Variants in SORT1 observed in about 807,000 individuals in gnomAD.
SORT1 encodes the protein sortilin 1.
A neutral mutation model predicts 101.7 loss-of-function variants in SORT1; 39 were observed. That is an observed-to-expected ratio of 0.38 (90% confidence interval 0.30 to 0.50). SORT1 has a LOEUF of 0.50. Among genes scored for constraint, SORT1 ranks in the 20% least tolerant of loss-of-function variants. The pLI is 0.90. For synonymous variants in SORT1, 396 were observed against 393.7 expected (o/e 1.01, Z -0.07); for missense variants, 878 against 1,040.4 (o/e 0.84, Z 2.15).
At chr1:109,390,806 C>T (rs1035029495) in intron 1 of SORT1, among the ~76,000 whole-genome samples, 19 of 147,946 alleles carry the variant, frequency 1.3e-4, no homozygotes, top group African/African-American at 2.1e-4. Context: ...TGTGCGCGCG[C>T]GCGTTTTAGG....
chr1:109,333,291 C>T (rs1270971765), intron 11 of SORT1, among the ~76,000 whole-genome samples: 1 of 152,104 alleles, frequency 6.6e-6, no homozygotes, highest in African/African-American at 2.4e-5. Context: ...AAATGTAAGA[C>T]TTGAAACTGT....
Position 109,317,892 on chromosome 1 carries a change from A to C in SORT1, c.2102T>G (p.Phe701Cys). ...GTGTTCTTCTCTTCCGTACAGACAA[A>C]ACTCCAGGTCGTGGCCCTTCAGTTC... is the stretch of plus-strand genomic sequence containing the variant. ...QPELKGHDLE[F>C]CLYGREEHLT... Residue 701 changes from phenylalanine to cysteine, a missense_variant, in exon 16 of 20, where the codon TTT becomes TGT. Phe to Cys is a radical substitution (Grantham distance 205, BLOSUM62 -2). Around this residue, in one of 2 missense-constraint regions of SORT1, gnomAD observed 684 missense variants for 894.5 expected, o/e 0.76. Transcript: ENST00000256637. The C allele has an allele frequency of 6.2e-7, 1 of 1,614,028 alleles. No homozygotes were observed. Among genetic ancestry groups the C allele is most frequent in the Non-Finnish European group, 8.5e-7 (1 of 1,179,918 alleles).
Position 109,313,874 on chromosome 1 carries a change from C to G in SORT1, c.*169G>C. On this transcript the variant is annotated 3_prime_UTR_variant, in exon 20 of 20. Transcript: ENST00000256637. ...GTAAAAAAGTGCTCAGGGTTCCCCA[C>G]CCCCACCCTGCATTTCTTTAGTGTA... 1 of 527,912 alleles carries G rather than the reference C, an allele frequency of 1.9e-6. No homozygotes were observed. Among genetic ancestry groups the G allele is most frequent in the East Asian group, 3.5e-5 (1 of 28,766 alleles). 32.7% of individuals were successfully genotyped at this position (527,912 alleles called of 1,614,324 possible).
chr1:109,340,146 C>CAAAAAAAA (rs34790280), intron 10 of SORT1, among the ~76,000 whole-genome samples: 1 of 96,298 alleles, frequency 1.0e-5, no homozygotes, highest in Non-Finnish European at 2.1e-5. Flanking sequence ...GATTCCATCT[C>CAAAAAAAA]AAAAAAAAAA....
chr1:109,396,365 C>T (rs1653176531), intron 1 of SORT1, among the ~76,000 whole-genome samples: 1 of 152,120 alleles, frequency 6.6e-6, no homozygotes, highest in African/African-American at 2.4e-5. Flanking sequence ...TTCTCAATCC[C>T]CCACTGTGAG....
chr1:109,319,876 A>AG (rs949962424), intron 15 of SORT1, among the ~76,000 whole-genome samples: 4 of 152,108 alleles, frequency 2.6e-5, no homozygotes, highest in African/African-American at 4.8e-5. Context: ...CAAAAAAAAA[A>AG]AAAAGAAAAG....
intron 5 of SORT1, among the ~76,000 whole-genome samples, chr1:109,352,712 T>C (rs1344295145): frequency 6.6e-6 from 1 of 152,200 alleles, no homozygotes; most frequent in Non-Finnish European, 1.5e-5. Flanking sequence ...TACCACTGAT[T>C]TGCACTTTAG....
rs1457776707 is a variant in SORT1, at chr1:109,310,178, CATATAT to C, written c.*3859_*3864del. 1 of 152,584 alleles carries C rather than the reference CATATAT, an allele frequency of 6.6e-6. No homozygotes were observed. The highest frequency in any genetic ancestry group is 2.4e-5 in the African/African-American group (1 of 41,416). 9.5% of individuals were successfully genotyped at this position (152,584 alleles called of 1,614,324 possible). A position where few individuals can be genotyped will look rare whatever the true frequency, so the allele number is the denominator to read the frequency against. ...TTATATATGTATATATGTACACACA[CATATAT>C]ATAAAGGTACAGATTAGTTTATGTT... On this transcript the variant is annotated 3_prime_UTR_variant, in exon 20 of 20. Transcript: ENST00000256637.
At chr1:109,388,829 C>A (rs1440567174) in intron 1 of SORT1, among the ~76,000 whole-genome samples, 1 of 152,178 alleles carries the variant, frequency 6.6e-6, no homozygotes, top group African/African-American at 2.4e-5. Context: ...ATGGTCACCA[C>A]TGAAGTTTGA....
At chr1:109,347,453 C>T (rs1161517278) in intron 7 of SORT1, 30 bp downstream of exon 7, 6 of 1,504,096 alleles carry the variant, frequency 4.0e-6, no homozygotes, top group Non-Finnish European at 4.6e-6. Context: ...GACAACAGGA[C>T]ATTATTTTCT....
chr1:109,326,917 C>A, intron 13 of SORT1, 75 bp downstream of exon 13: 2 of 1,115,920 alleles, frequency 1.8e-6, no homozygotes, highest in Admixed American at 2.5e-5. Flanking sequence ...CTGTAACATC[C>A]CCCCAATAAA....
rs1658909807 is a variant in SORT1, at chr1:109,314,351, C to T, written c.2391G>A (p.Gln797=). The T allele has an allele frequency of 3.7e-6, 6 of 1,613,964 alleles. No homozygotes were observed. The East Asian group carries it at 1.3e-4, about 36-fold the overall frequency. Residue 797 remains glutamine (Q), a synonymous_variant, in exon 19 of 20, where the codon CAG becomes CAA. Coordinates refer to ENST00000256637, the MANE Select transcript of SORT1 (RefSeq NM_002959.7). ...FLVHRYSVLQ[Q]HAEANGVDGV... ...CATCCACACCATTGGCCTCTGCATGCTGCTGCAGCACAGAGTATCGATGCA... is the reference window on the plus strand; with the variant it reads ...CATCCACACCATTGGCCTCTGCATGTTGCTGCAGCACAGAGTATCGATGCA...
chr1:109,358,432 G>A (rs1171850944), intron 3 of SORT1, among the ~76,000 whole-genome samples: 2 of 152,122 alleles, frequency 1.3e-5, no homozygotes, highest in Admixed American at 6.5e-5. Context: ...CCTATGTCAC[G>A]AAGAGGAAAT....
intron 8 of SORT1, among the ~76,000 whole-genome samples, chr1:109,344,537 C>T (rs1008663327): frequency 2.0e-5 from 3 of 152,180 alleles, no homozygotes; most frequent in Non-Finnish European, 4.4e-5. Flanking sequence ...ATCCTACTCT[C>T]CTCCCAGATG....
intron 1 of SORT1, among the ~76,000 whole-genome samples, chr1:109,381,305 A>G (rs1370533933): frequency 6.6e-5 from 10 of 152,140 alleles, no homozygotes; most frequent in Admixed American, 6.6e-4. Flanking sequence ...AATCCACATA[A>G]CCCCATGAGA....
chr1:109,397,716 C>T lies in SORT1; in HGVS notation c.177G>A (p.Gly59=). The T allele has an allele frequency of 8.4e-7, 1 of 1,189,884 alleles. No individual in the cohort carries two copies. The highest frequency in any genetic ancestry group is 1.0e-6 in the Non-Finnish European group (1 of 963,402). The allele number at this position is 1,189,884 out of a possible 1,614,324, so 73.7% of individuals were successfully genotyped here. The part of the protein sequence containing the change: ...RWSGPIGVSW[G]LRAAAAGGAF... Reference sequence around the variant, plus strand: ...CGCCCCCGGCTGCGGCCGCCCGCAGCCCCCAGCTCACCCCGATGGGGCCAG... The same window carrying T: ...CGCCCCCGGCTGCGGCCGCCCGCAGTCCCCAGCTCACCCCGATGGGGCCAG... The change falls in exon 1 of 20, where the codon GGG becomes GGA. Residue 59 remains glycine (G), a synonymous_variant. Coordinates refer to ENST00000256637, the MANE Select transcript of SORT1 (RefSeq NM_002959.7).
At chr1:109,344,943 C>T (rs770237223) in intron 8 of SORT1, among the ~76,000 whole-genome samples, 14 of 152,118 alleles carry the variant, frequency 9.2e-5, no homozygotes, top group East Asian at 1.9e-4. Context: ...GGGATCCACC[C>T]GCCTCAGCCT....
intron 1 of SORT1, among the ~76,000 whole-genome samples, chr1:109,390,594 C>T (rs775898681): frequency 2.0e-5 from 3 of 151,786 alleles, no homozygotes; most frequent in Non-Finnish European, 2.9e-5. Context: ...TCCTTTGTGA[C>T]AAATAGCAAA....
At position 109,317,090 on chromosome 1, in the gene SORT1, G is replaced by A. The variant is rs562812945; in HGVS notation, c.2142-132C>T. ...TTACGTCATGTTTCAGGCCTGGGGG[G>A]AATGTCCACAGGGATGTTTTGGGGG... On this transcript the variant is annotated intron_variant, in intron 16 of 19. Transcript: ENST00000256637. 2.8e-5 allele frequency: 18 copies of A among 638,014 alleles called. 2 individuals are homozygous for A. The highest frequency in any genetic ancestry group is 5.1e-4 in the Middle Eastern group (2 of 3,900). The allele number at this position is 638,014 out of a possible 1,614,324, so 39.5% of individuals were successfully genotyped here. A position where few individuals can be genotyped will look rare whatever the true frequency, so the allele number is the denominator to read the frequency against.
Sources: allele counts gnomAD v4.1 joint callset (sites outside exome capture counted in the v4.1 genomes callset), GRCh38; gene constraint gnomAD v4.1.1; regional missense constraint gnomAD v4.1.1; transcripts MANE v1.5; gene names NCBI Gene and HGNC (gene_info 2026-07-23, HGNC 2026-07-21).